LDB2: variants seen among roughly 807,000 people sequenced by gnomAD.
The protein encoded by LDB2 is LIM domain binding 2, also known as LIM domain-binding protein 2.
A neutral mutation model predicts 44.3 loss-of-function variants in LDB2; 12 were observed. The ratio of observed to expected loss-of-function variants is 0.27; its 90% CI spans 0.17 to 0.44. LDB2 has a LOEUF of 0.44. LDB2 is among the 20% of genes least tolerant of loss of function. LDB2 has a pLI of 1.00. For synonymous variants in LDB2, 164 were observed against 174.8 expected, an observed-to-expected ratio of 0.94 and a Z score of 0.49; for missense variants, 344 against 473.5, an observed-to-expected ratio of 0.73 and a Z score of 2.54.
intron 5 of LDB2, among the ~76,000 whole-genome samples, chr4:16,556,440 G>C (rs1185158836): frequency 6.6e-6 from 1 of 152,110 alleles, no homozygotes; most frequent in Admixed American, 6.6e-5. Context: ...GGAATATAGT[G>C]GGCACTCAGT....
intron 1 of LDB2, among the ~76,000 whole-genome samples, chr4:16,869,901 A>AG (rs1561492864): frequency 6.6e-6 from 1 of 152,142 alleles, no homozygotes; most frequent in East Asian, 1.9e-4. Context: ...TGATCCAAAA[A>AG]CAACACTCAG....
intron 1 of LDB2, among the ~76,000 whole-genome samples, chr4:16,831,625 T>A (rs1025238575): frequency 6.6e-6 from 1 of 152,182 alleles, no homozygotes; most frequent in Non-Finnish European, 1.5e-5. Context: ...GGCATCCAAG[T>A]AACTGAGGAC....
chr4:16,515,853 ATTATTTAT>A (rs1265198573), intron 5 of LDB2, among the ~76,000 whole-genome samples: 2 of 146,622 alleles, frequency 1.4e-5, no homozygotes, highest in Non-Finnish European at 3.0e-5. Context: ...TATTTATTTT[ATTATTTAT>A]TTATTTATTT....
chr4:16,763,936 T>C (rs2109267649), intron 1 of LDB2, among the ~76,000 whole-genome samples: 1 of 152,304 alleles, frequency 6.6e-6, no homozygotes, highest in Non-Finnish European at 1.5e-5. Flanking sequence ...CTGCCCGGCA[T>C]ATAGTAGTTG....
intron 2 of LDB2, among the ~76,000 whole-genome samples, chr4:16,619,612 G>T (rs543352301): frequency 6.6e-6 from 1 of 151,014 alleles, no homozygotes; most frequent in South Asian, 2.1e-4. Flanking sequence ...ATCCAAGGAG[G>T]TAATTCCCAG....
At position 16,560,351 on chromosome 4, in the gene LDB2, T is replaced by C. The variant is rs189693387; in HGVS notation, c.615+25571A>G. ...TAATAAAGAAAAAAAGACAGAAGAA[T>C]CAAATAGACACAATAAAAAATGATA... On this transcript the variant is annotated intron_variant, in intron 5 of 7. Transcript: ENST00000304523. Among the ~76,000 whole-genome samples the C allele has an allele frequency of 9.9e-3, 1,493 of 151,472 alleles. 24 individuals carry two copies. The highest frequency in any genetic ancestry group is 0.034 in the African/African-American group (1,420 of 41,240).
intron 1 of LDB2, among the ~76,000 whole-genome samples, chr4:16,881,987 G>A (rs1720265059): frequency 6.6e-6 from 1 of 152,160 alleles, no homozygotes; most frequent in Admixed American, 6.5e-5. Context: ...GGAATATGTG[G>A]GTCAAAATTT....
At chr4:16,746,522 C>A (rs142179398) in intron 2 of LDB2, among the ~76,000 whole-genome samples, 2,746 of 152,224 alleles carry the variant, frequency 0.018, 35 homozygotes, top group Admixed American at 0.028. Context: ...TGCAGTGGAT[C>A]ATGCCTGTAA....
chr4:16,773,154 G>T (rs1221270887), intron 1 of LDB2, among the ~76,000 whole-genome samples: 1 of 152,154 alleles, frequency 6.6e-6, no homozygotes, highest in Non-Finnish European at 1.5e-5. Context: ...CAGAAGAAAA[G>T]GTAGGAGGAT....
chr4:16,549,312 A>G (rs189955271), intron 5 of LDB2, among the ~76,000 whole-genome samples: 38 of 152,268 alleles, frequency 2.5e-4, no homozygotes, highest in Non-Finnish European at 4.1e-4. Flanking sequence ...GGAAGTTATA[A>G]CTGCATTAGG....
At chr4:16,592,499 T>C (rs200158311) in intron 3 of LDB2, among the ~76,000 whole-genome samples, 38,986 of 136,708 alleles carry the variant, frequency 0.29, 5,926 homozygotes, top group East Asian at 0.33. Context: ...TATATATATA[T>C]ATATATACAC....
intron 1 of LDB2, among the ~76,000 whole-genome samples, chr4:16,870,848 G>T (rs992528373): frequency 6.6e-6 from 1 of 152,000 alleles, no homozygotes; most frequent in African/African-American, 2.4e-5. Context: ...TGGCCAGGCT[G>T]GTCTCGAACT....
At chr4:16,597,188 A>G (rs1721217800) in intron 2 of LDB2, among the ~76,000 whole-genome samples, 1 of 152,174 alleles carries the variant, frequency 6.6e-6, no homozygotes, top group Non-Finnish European at 1.5e-5. Flanking sequence ...TACCCTGCCA[A>G]ATTGTTTTCT....
intron 5 of LDB2, among the ~76,000 whole-genome samples, chr4:16,528,337 C>A (rs534104582): frequency 6.6e-6 from 1 of 152,102 alleles, no homozygotes; most frequent in Non-Finnish European, 1.5e-5. Flanking sequence ...AAATACCACC[C>A]GTTCTTCAAA....
At chr4:16,608,320 C>T (rs561393219) in intron 2 of LDB2, among the ~76,000 whole-genome samples, 2 of 151,718 alleles carry the variant, frequency 1.3e-5, no homozygotes, top group South Asian at 4.2e-4. Flanking sequence ...GGGTCAGATT[C>T]ACATTCCTCG....
intron 2 of LDB2, among the ~76,000 whole-genome samples, chr4:16,753,639 C>T (rs551942577): frequency 5.7e-4 from 87 of 152,152 alleles, no homozygotes; most frequent in Middle Eastern, 3.4e-3. Context: ...TTTTGGAGAG[C>T]GAAATGTCCC....
At position 16,678,774 on chromosome 4, in the gene LDB2, T is replaced by G. The variant is rs574712495; in HGVS notation, c.235+80384A>C. On this transcript the variant is annotated intron_variant, in intron 2 of 7. Transcript: ENST00000304523. ...CAGATGCAAGGTGTGTTACTCCAGCTCATGACAGGGTGAGAAAATGGTCTT... is the reference window on the plus strand; with the variant it reads ...CAGATGCAAGGTGTGTTACTCCAGCGCATGACAGGGTGAGAAAATGGTCTT... 1.1e-4 allele frequency among the ~76,000 whole-genome samples: 16 copies of G among 152,282 alleles called. No individual in the cohort carries two copies. In the South Asian group the frequency reaches 1.9e-3, roughly 18 times the overall value.
At chr4:16,857,457 T>C (rs1789582208) in intron 1 of LDB2, among the ~76,000 whole-genome samples, 1 of 152,140 alleles carries the variant, frequency 6.6e-6, no homozygotes, top group Non-Finnish European at 1.5e-5. Flanking sequence ...TTACACAAAG[T>C]TTAATTCAGA....
At chr4:16,797,285 T>C (rs573433715) in intron 1 of LDB2, among the ~76,000 whole-genome samples, 28 of 152,264 alleles carry the variant, frequency 1.8e-4, no homozygotes, top group Non-Finnish European at 2.6e-4. Context: ...TCAAACCCAT[T>C]GTTCAAGGGT....
Sources: gnomAD v4.1 joint callset for allele counts (sites outside exome capture counted in the v4.1 genomes callset) on GRCh38, gnomAD v4.1.1 for gene constraint, MANE v1.5 for transcripts, NCBI Gene and HGNC (gene_info 2026-07-23, HGNC 2026-07-21) for gene names.